The following KIAA0319 variants were observed in gnomAD, a reference collection of about 807,000 sequenced individuals.
The protein encoded by KIAA0319 is dyslexia-associated protein KIAA0319.
Under a neutral mutation model 108.4 loss-of-function variants are expected in KIAA0319, and 83 were observed. The ratio of observed to expected loss-of-function variants is 0.77; its 90% CI spans 0.64 to 0.92. The LOEUF is 0.92. KIAA0319 is among the 40% of genes least tolerant of loss of function. The pLI is 0.00. For missense variants in KIAA0319, 1,195 were observed against 1,322.4 expected, an observed-to-expected ratio of 0.90 and a Z score of 1.49; for synonymous variants, 484 against 510.4, an observed-to-expected ratio of 0.95 and a Z score of 0.70.
At position 24,645,880 on chromosome 6, in the gene KIAA0319, C is replaced by CACACAA. The variant is rs1295839089; in HGVS notation, c.-251_-250insTTGTGT. 1.3e-5 allele frequency: 2 copies of CACACAA among 151,332 alleles called. No homozygotes were observed. The highest frequency in any genetic ancestry group is 6.7e-5 in the Admixed American group (1 of 14,848). 9.4% of individuals were successfully genotyped at this position (151,332 alleles called of 1,614,324 possible). On this transcript the variant is annotated 5_prime_UTR_variant, in exon 1 of 21. Transcript: ENST00000378214. Reference sequence around the variant, plus strand: ...ACACACACACACACACACACACACACACACACACGTTCACACCCTCGCGCG... The same window carrying CACACAA: ...ACACACACACACACACACACACACACACACAAACACACACGTTCACACCCTCGCGCG...
At chr6:24,564,176 G>A (rs370942417) in intron 15 of KIAA0319, 26 bp downstream of exon 15, 3 of 1,613,776 alleles carry the variant, frequency 1.9e-6, no homozygotes, top group East Asian at 2.2e-5. Context: ...AGCCTGCATG[G>A]CCAGCTCCAG....
At chr6:24,609,366 C>T (rs1011692752) in intron 1 of KIAA0319, among the ~76,000 whole-genome samples, 3 of 151,296 alleles carry the variant, frequency 2.0e-5, no homozygotes, top group African/African-American at 4.9e-5. Flanking sequence ...ATCACGAGGT[C>T]AGGAGATTGA....
chr6:24,629,162 C>T (rs1257230392), intron 1 of KIAA0319, among the ~76,000 whole-genome samples: 2 of 152,064 alleles, frequency 1.3e-5, no homozygotes, highest in Non-Finnish European at 2.9e-5. Flanking sequence ...AATAACAACT[C>T]GAGCCTTTAC....
intron 10 of KIAA0319, among the ~76,000 whole-genome samples, chr6:24,575,916 G>T (rs1247937178): frequency 6.6e-6 from 1 of 151,916 alleles, no homozygotes; most frequent in African/African-American, 2.4e-5. Flanking sequence ...ATATTTAAAA[G>T]ATTTGAACAA....
chr6:24,624,382 C>A (rs556724746), intron 1 of KIAA0319, among the ~76,000 whole-genome samples: 2 of 151,750 alleles, frequency 1.3e-5, no homozygotes, highest in Non-Finnish European at 2.9e-5. Context: ...AACATGTAAA[C>A]AAAATCAACA....
Position 24,550,692 on chromosome 6 carries a change from T to C in KIAA0319, c.3040+742A>G, listed in dbSNP as rs534963946. On this transcript the variant is annotated intron_variant, in intron 20 of 20. Coordinates refer to ENST00000378214, the MANE Select transcript of KIAA0319 (RefSeq NM_014809.4). ...ATGTCCTCTTGCTGCATTTCTGTCC[T>C]AGCAGACCTAAAGGGAACAGCGTTC... 9.5e-4 allele frequency among the ~76,000 whole-genome samples: 144 copies of C among 152,300 alleles called. 4 individuals are homozygous for C. The Middle Eastern group carries it at 0.027, about 29-fold the overall frequency.
chr6:24,592,601 T>C (rs1279208839), intron 3 of KIAA0319, among the ~76,000 whole-genome samples: 1 of 152,192 alleles, frequency 6.6e-6, no homozygotes. Flanking sequence ...ATGCATGTAA[T>C]TTTTGTGAAC....
At chr6:24,610,895 T>C (rs1259137408) in intron 1 of KIAA0319, among the ~76,000 whole-genome samples, 2 of 152,068 alleles carry the variant, frequency 1.3e-5, no homozygotes, top group Non-Finnish European at 2.9e-5. Context: ...AAAGGCATAG[T>C]AATAGGCAAT....
In KIAA0319 at chr6:24,546,946, T is replaced by C; in HGVS notation, c.*219A>G. 2.0e-6 allele frequency: 1 copy of C among 507,744 alleles called. No homozygotes were observed. Among genetic ancestry groups the C allele is most frequent in the Non-Finnish European group, 3.5e-6 (1 of 283,146 alleles). 31.5% of individuals were successfully genotyped at this position (507,744 alleles called of 1,614,324 possible). A position where few individuals can be genotyped will look rare whatever the true frequency, so the allele number is the denominator to read the frequency against. ...CTTTTAAGTATATACCTTAGAGTTTTACCCAGCCTTTATTTCTATTAACAA... is the reference window on the plus strand; with the variant it reads ...CTTTTAAGTATATACCTTAGAGTTTCACCCAGCCTTTATTTCTATTAACAA... On this transcript the variant is annotated 3_prime_UTR_variant, in exon 21 of 21. Transcript: ENST00000378214.
intron 20 of KIAA0319, among the ~76,000 whole-genome samples, chr6:24,550,964 G>A (rs917472617): frequency 6.6e-6 from 1 of 151,814 alleles, no homozygotes; most frequent in Non-Finnish European, 1.5e-5. Flanking sequence ...ATATCCTCAG[G>A]ATTGATGAAG....
At chr6:24,634,613 C>T (rs1278539444) in intron 1 of KIAA0319, among the ~76,000 whole-genome samples, 1 of 152,154 alleles carries the variant, frequency 6.6e-6, no homozygotes, top group African/African-American at 2.4e-5. Context: ...CCCATGATTA[C>T]ATTATAGTAG....
chr6:24,627,657 G>A lies in KIAA0319; in HGVS notation c.-106+18079C>T, dbSNP rs569904804. Among the ~76,000 whole-genome samples the A allele has an allele frequency of 2.6e-5, 4 of 152,272 alleles. No homozygotes were observed. In the South Asian group the frequency reaches 8.3e-4, roughly 32 times the overall value. Reference sequence around the variant, plus strand: ...CAGAATAAAGAAATGAACACGATGTGTAGCCTGAAAACTGGAATTTACCTC... The same window carrying A: ...CAGAATAAAGAAATGAACACGATGTATAGCCTGAAAACTGGAATTTACCTC... On this transcript the variant is annotated intron_variant, in intron 1 of 20. Coordinates refer to ENST00000378214, the MANE Select transcript of KIAA0319 (RefSeq NM_014809.4).
At chr6:24,598,178 G>C (rs1562033959) in intron 2 of KIAA0319, 1 of 466,722 alleles carries the variant, frequency 2.1e-6, no homozygotes, top group Non-Finnish European at 4.0e-6. Flanking sequence ...ACCAGTATGG[G>C]TCTGGGTGGA....
chr6:24,579,719 G>A (rs1766174404), intron 8 of KIAA0319, 139 bp downstream of exon 8: 2 of 629,194 alleles, frequency 3.2e-6, no homozygotes, highest in African/African-American at 3.7e-5. Context: ...AACTAAAGAA[G>A]ACATAAAACT....
intron 16 of KIAA0319, among the ~76,000 whole-genome samples, chr6:24,561,709 A>ATT (rs560111898): frequency 1.4e-5 from 2 of 144,488 alleles, no homozygotes; most frequent in Admixed American, 6.9e-5. Flanking sequence ...TGCCTGGCTA[A>ATT]TTTTTTTTTT....
At chr6:24,614,718 TA>T (rs967448566) in intron 1 of KIAA0319, among the ~76,000 whole-genome samples, 9 of 152,006 alleles carry the variant, frequency 5.9e-5, no homozygotes, top group Admixed American at 1.3e-4. Context: ...CTCCTTCACT[TA>T]AAAAAAATCA....
chr6:24,595,568 A>C (rs921863357), intron 3 of KIAA0319, among the ~76,000 whole-genome samples: 1 of 150,288 alleles, frequency 6.7e-6, no homozygotes, highest in Non-Finnish European at 1.5e-5. Flanking sequence ...AAAAAAAAAA[A>C]AACGCTACAG....
rs770702551 is a variant in KIAA0319 at position 24,588,712 on chromosome 6, A to G, written c.875T>C (p.Val292Ala). ...TGTACTCCCCGGGGTGACTGTGAGCACTGGGCTTTTCTCCACGGTGACTGA... is the reference window on the plus strand; with the variant it reads ...TGTACTCCCCGGGGTGACTGTGAGCGCTGGGCTTTTCTCCACGGTGACTGA... ...LSSVTVEKSP[V>A]LTVTPGSTEH... Residue 292 changes from valine (V) to alanine (A), a missense_variant, in exon 4 of 21, where the codon GTG becomes GCG. Val to Ala is a moderately conservative substitution (Grantham distance 64). Coordinates refer to ENST00000378214, the MANE Select transcript of KIAA0319 (RefSeq NM_014809.4). The G allele has an allele frequency of 6.2e-7, 1 of 1,614,052 alleles. No individual in the cohort carries two copies. The highest frequency in any genetic ancestry group is 8.5e-7 in the Non-Finnish European group (1 of 1,179,998).
chr6:24,620,619 T>C (rs1402615934), intron 1 of KIAA0319, among the ~76,000 whole-genome samples: 4 of 152,148 alleles, frequency 2.6e-5, no homozygotes, highest in Non-Finnish European at 5.9e-5. Context: ...GTGTTTTTGC[T>C]TTTTTTCTAT....
Sources: gnomAD v4.1 joint callset for allele counts (sites outside exome capture counted in the v4.1 genomes callset) on GRCh38, gnomAD v4.1.1 for gene constraint, MANE v1.5 for transcripts, NCBI Gene and HGNC (gene_info 2026-07-23, HGNC 2026-07-21) for gene names.